Variants in DLG2 observed in about 807,000 individuals in gnomAD.
The protein encoded by DLG2 is discs large MAGUK scaffold protein 2, also known as disks large homolog 2.
DLG2 carries 45 observed loss-of-function variants against 132.5 expected under a neutral mutation model. The ratio of observed to expected loss-of-function variants is 0.34; its 90% CI spans 0.27 to 0.44. The LOEUF (loss-of-function observed/expected upper bound fraction) is 0.44. Among genes scored for constraint, DLG2 ranks in the 20% least tolerant of loss-of-function variants. The probability of loss-of-function intolerance (pLI) is 1.00; values close to 1 mark genes in which losing one functional copy is unlikely to be tolerated. For missense variants in DLG2, 1,045 were observed against 1,196.9 expected (o/e 0.87, Z 1.87); for synonymous variants, 424 against 419.6 (o/e 1.01, Z -0.13).
intron 6 of DLG2, among the ~76,000 whole-genome samples, chr11:85,037,542 T>C (rs1460742069): frequency 6.6e-6 from 1 of 152,138 alleles, no homozygotes; most frequent in African/African-American, 2.4e-5. Flanking sequence ...CAGCAAAGAA[T>C]TGTTAGTATT....
chr11:83,632,533 A>T (rs552793950), intron 19 of DLG2: 21 of 152,358 alleles, frequency 1.4e-4, no homozygotes, highest in Admixed American at 6.5e-4. Context: ...TTGTCTTGGA[A>T]GAGGAGCATG....
chr11:83,549,077 T>G (rs1432053), intron 19 of DLG2, among the ~76,000 whole-genome samples: 1 of 151,912 alleles, frequency 6.6e-6, no homozygotes, highest in African/African-American at 2.4e-5. Flanking sequence ...AGGAACAGAG[T>G]GCTTTGACTC....
chr11:83,669,601 G>A (rs2076493117), intron 18 of DLG2, among the ~76,000 whole-genome samples: 1 of 152,016 alleles, frequency 6.6e-6, no homozygotes, highest in African/African-American at 2.4e-5. Context: ...TAATATAATG[G>A]CCTATGATTT....
chr11:83,507,761 TATATATATATATATATATA>T, intron 21 of DLG2, among the ~76,000 whole-genome samples: 1 of 12,956 alleles, frequency 7.7e-5, no homozygotes, highest in African/African-American at 2.2e-4. Context: ...ATTTTTATTA[TATATATATATATATATATA>T]TATATATATA....
chr11:83,465,392 T>C (rs2136203860), intron 26 of DLG2, among the ~76,000 whole-genome samples: 1 of 152,294 alleles, frequency 6.6e-6, no homozygotes, highest in Admixed American at 6.5e-5. Flanking sequence ...AAGCAATTGC[T>C]TTCACCACTG....
At chr11:84,938,315 G>A (rs562020177) in intron 6 of DLG2, among the ~76,000 whole-genome samples, 9 of 152,082 alleles carry the variant, frequency 5.9e-5, no homozygotes, top group African/African-American at 2.2e-4. Flanking sequence ...CTCTTGATAA[G>A]GATCATATAT....
In DLG2 at chr11:83,677,248, TTTTG is replaced by T. The variant is rs1488453237; in HGVS notation, c.1826-43927_1826-43924del. ...CCACTAAAGGCATGCTTTGTCTTGC[TTTTG>T]TTTGTTTGTTACCTCTTTGCACCAT... is the stretch of plus-strand genomic sequence containing the variant. On this transcript the variant is annotated intron_variant, in intron 18 of 27. Coordinates refer to ENST00000376104, the MANE Select transcript of DLG2 (RefSeq NM_001142699.3). Among the ~76,000 whole-genome samples the T allele has an allele frequency of 8.5e-5, 13 of 152,264 alleles. 2 individuals carry two copies. Among genetic ancestry groups the T allele is most frequent in the African/African-American group, 2.6e-4 (11 of 41,568 alleles).
In DLG2 at chr11:84,266,633, G is replaced by C. The variant is rs78073819; in HGVS notation, c.520-15342C>G. ...ATCCAGAAAGGACAAAACGCACTTG[G>C]AACACCATGAACTGGGACTGAAAGT... On this transcript the variant is annotated intron_variant, in intron 7 of 27. Coordinates refer to ENST00000376104, the MANE Select transcript of DLG2 (RefSeq NM_001142699.3). Among the ~76,000 whole-genome samples, 651 of 152,244 alleles carry C rather than the reference G, an allele frequency of 4.3e-3. 10 individuals carry two copies. In the East Asian group the frequency reaches 0.049, roughly 11 times the overall value.
chr11:84,595,507 T>C (rs1217275908), intron 6 of DLG2, among the ~76,000 whole-genome samples: 1 of 152,050 alleles, frequency 6.6e-6, no homozygotes, highest in Admixed American at 6.6e-5. Context: ...AAAGCTTATT[T>C]GTTGCATATT....
chr11:84,064,650 C>T (rs999202160), intron 10 of DLG2, among the ~76,000 whole-genome samples: 10 of 151,732 alleles, frequency 6.6e-5, no homozygotes, highest in South Asian at 2.1e-4. Flanking sequence ...GCTATCATTA[C>T]GAAAAAGAGA....
intron 21 of DLG2, 137 bp from the exon 22 acceptor site, chr11:83,484,365 G>T: frequency 3.2e-6 from 2 of 633,880 alleles, no homozygotes; most frequent in Non-Finnish European, 5.5e-6. Flanking sequence ...TGGTGCCAGA[G>T]AGTTCTAAAG....
At chr11:83,827,402 T>A (rs913596230) in intron 17 of DLG2, among the ~76,000 whole-genome samples, 3 of 152,114 alleles carry the variant, frequency 2.0e-5, no homozygotes, top group Admixed American at 6.6e-5. Context: ...AACCTGAAAA[T>A]TTTTGAAATA....
intron 4 of DLG2, among the ~76,000 whole-genome samples, chr11:85,173,957 C>T (rs575091705): frequency 2.2e-3 from 337 of 152,154 alleles, no homozygotes; most frequent in Non-Finnish European, 3.2e-3. Context: ...TATAGGAGCA[C>T]CCAAATTCAT....
At chr11:83,929,082 TAA>T (rs113587894) in intron 15 of DLG2, among the ~76,000 whole-genome samples, 2,970 of 152,116 alleles carry the variant, frequency 0.02, 66 homozygotes, top group East Asian at 0.071. Flanking sequence ...TGCAAATTAA[TAA>T]AAAAATGCCC....
At chr11:84,881,405 G>T (rs148327114) in intron 6 of DLG2, among the ~76,000 whole-genome samples, 2 of 152,204 alleles carry the variant, frequency 1.3e-5, no homozygotes, top group East Asian at 3.9e-4. Context: ...ATCACAGCCT[G>T]ATCACTGACT....
At chr11:83,937,927 G>A (rs979894078) in intron 14 of DLG2, among the ~76,000 whole-genome samples, 10 of 152,194 alleles carry the variant, frequency 6.6e-5, no homozygotes, top group African/African-American at 2.4e-4. Context: ...AGGAGTTTTA[G>A]AAGTAATCCT....
intron 3 of DLG2, among the ~76,000 whole-genome samples, chr11:85,525,815 G>A (rs1200533882): frequency 1.3e-5 from 2 of 152,114 alleles, no homozygotes; most frequent in East Asian, 1.9e-4. Flanking sequence ...ATGAAGCTGG[G>A]AATCTGCAGA....
At chr11:84,438,886 A>C (rs887372699) in intron 7 of DLG2, among the ~76,000 whole-genome samples, 1 of 152,194 alleles carries the variant, frequency 6.6e-6, no homozygotes, top group African/African-American at 2.4e-5. Context: ...AAGAATGTCA[A>C]CACACTTGCA....
At chr11:85,121,024 T>C (rs80198407) in intron 5 of DLG2, among the ~76,000 whole-genome samples, 3 of 152,162 alleles carry the variant, frequency 2.0e-5, no homozygotes, top group Admixed American at 6.5e-5. Context: ...CTGTGGCTAG[T>C]TGGACAAATT....
Sources: gnomAD v4.1 joint callset for allele counts (sites outside exome capture counted in the v4.1 genomes callset) on GRCh38, gnomAD v4.1.1 for gene constraint, MANE v1.5 for transcripts, NCBI Gene and HGNC (gene_info 2026-07-23, HGNC 2026-07-21) for gene names.